NEU3: variants seen among roughly 807,000 people sequenced by gnomAD.
The protein encoded by NEU3 is sialidase-3.
Under a neutral mutation model 11.4 loss-of-function variants are expected in NEU3, and 10 were observed. That is an observed-to-expected ratio of 0.88 (90% CI 0.54 to 1.49). The LOEUF (loss-of-function observed/expected upper bound fraction) is 1.49, where lower values mean the gene tolerates loss of function less well. Ranked by LOEUF, NEU3 falls within the 40% of genes most tolerant of loss-of-function variation. NEU3 has a pLI of 0.00. For missense variants in NEU3, 529 were observed against 581.8 expected (o/e 0.91, Z 0.93); for synonymous variants, 212 against 228.2 (o/e 0.93, Z 0.64).
At chr11:75,004,203 C>T (rs1222338583) in intron 2 of NEU3, 2 of 574,586 alleles carry the variant, frequency 3.5e-6, no homozygotes, top group Non-Finnish European at 6.1e-6. Flanking sequence ...CCAGTTTCTT[C>T]ACATTTGCCA....
chr11:75,000,587 A>T (rs372747375), intron 2 of NEU3, among the ~76,000 whole-genome samples: 8 of 151,592 alleles, frequency 5.3e-5, no homozygotes, highest in Non-Finnish European at 1.5e-5. Flanking sequence ...GCTGAATAAT[A>T]TATCATTGTA....
In NEU3 at chr11:74,993,370, A is replaced by AT. The variant is rs562765468; in HGVS notation, c.95-1132dup. Among the ~76,000 whole-genome samples, 347 of 152,002 alleles carry AT rather than the reference A, an allele frequency of 2.3e-3. 3 individuals are homozygous for AT. The East Asian group carries it at 0.027, about 12-fold the overall frequency. ...AGGTGCCTGCCAGCACACCCGGCTAATTTTTTTGTATTTTTAGTAGAGATG... is the reference window on the plus strand; with the variant it reads ...AGGTGCCTGCCAGCACACCCGGCTAATTTTTTTTGTATTTTTAGTAGAGATG... On this transcript the variant is annotated intron_variant, in intron 1 of 2. Transcript: ENST00000294064.
chr11:74,994,983 C>G (rs149886288), intron 2 of NEU3: 1 of 623,972 alleles, frequency 1.6e-6, no homozygotes, highest in African/African-American at 1.8e-5. Flanking sequence ...GAGAGGTTGC[C>G]ATTTGCTCAA....
downstream of NEU3, among the ~76,000 whole-genome samples, chr11:75,019,429 G>A (rs180700963): frequency 4.6e-5 from 7 of 152,342 alleles, no homozygotes; most frequent in East Asian, 3.9e-4. Context: ...GGTGTCTTGC[G>A]TCCCAGCTGC....
intron 3 of NEU3, among the ~76,000 whole-genome samples, chr11:75,018,469 CG>C: frequency 6.6e-6 from 1 of 152,176 alleles, no homozygotes; most frequent in East Asian, 1.9e-4. Context: ...GGCAGAAAAA[CG>C]GGAAAAGACT....
chr11:74,984,155 C>G (rs180968520), upstream of NEU3, among the ~76,000 whole-genome samples: 76 of 152,262 alleles, frequency 5.0e-4, no homozygotes, highest in African/African-American at 1.7e-3. Flanking sequence ...AGGTGCATAT[C>G]GTTGGGAGAC....
downstream of NEU3, among the ~76,000 whole-genome samples, chr11:75,011,347 C>T (rs1028810463): frequency 6.6e-6 from 1 of 152,188 alleles, no homozygotes; most frequent in Non-Finnish European, 1.5e-5. Flanking sequence ...TTTTACTTGA[C>T]TTTGTTTGTT....
At chr11:74,994,833 C>T in intron 2 of NEU3, 113 bp downstream of exon 2, 1 of 1,019,572 alleles carries the variant, frequency 9.8e-7, no homozygotes, top group Non-Finnish European at 1.5e-6. Flanking sequence ...GTGTGGGGAG[C>T]AGAGGCAGAA....
chr11:74,982,808 G>C, the NEU3 span, among the ~76,000 whole-genome samples: 1 of 152,180 alleles, frequency 6.6e-6, no homozygotes, highest in Admixed American at 6.5e-5. Flanking sequence ...TTTGAAGGAA[G>C]AGGCAACACT....
chr11:75,002,024 A>G (rs570225899), intron 2 of NEU3, among the ~76,000 whole-genome samples: 18 of 152,310 alleles, frequency 1.2e-4, no homozygotes, highest in Non-Finnish European at 2.4e-4. Flanking sequence ...GGGAGTTAGC[A>G]CTAGATAACC....
intron 2 of NEU3, among the ~76,000 whole-genome samples, chr11:74,999,931 G>A (rs1318289830): frequency 6.6e-6 from 1 of 152,062 alleles, no homozygotes; most frequent in Non-Finnish European, 1.5e-5. Context: ...AACTTCTTAG[G>A]GCACAGTCCT....
intron 1 of NEU3, chr11:74,990,233 A>G: frequency 2.0e-6 from 1 of 489,938 alleles, no homozygotes; most frequent in East Asian, 3.2e-5. Flanking sequence ...CAAGCAAGGA[A>G]TCCAAGACCT....
chr11:75,012,393 CG>C (rs1329275313), downstream of NEU3, among the ~76,000 whole-genome samples: 1 of 152,138 alleles, frequency 6.6e-6, no homozygotes, highest in Non-Finnish European at 1.5e-5. Flanking sequence ...TAAAGGTACA[CG>C]GGGTCATCCG....
Position 75,006,339 on chromosome 11 carries a change from G to A in NEU3, c.1233G>A (p.Glu411=). 3 of 1,614,008 alleles carry A rather than the reference G, an allele frequency of 1.9e-6. No homozygotes were observed. Among genetic ancestry groups the A allele is most frequent in the Non-Finnish European group, 2.5e-6 (3 of 1,179,896 alleles). ...CGYSDLAALE[E]EGLFGCLFEC... ...ACTCTGATCTGGCTGCTCTGGAGGA[G>A]GAGGGCTTGTTTGGGTGTTTGTTTG... Residue 411 remains glutamate (E), a synonymous_variant, in exon 3 of 3, where the codon GAG becomes GAA. Transcript: ENST00000294064.
intron 1 of NEU3, among the ~76,000 whole-genome samples, chr11:74,991,308 A>G (rs569586558): frequency 4.3e-4 from 66 of 152,292 alleles, no homozygotes; most frequent in Non-Finnish European, 7.9e-4. Context: ...CTGGGATTGA[A>G]ATGAAGGGAG....
chr11:74,988,587 G>A (rs1948692680), upstream of NEU3: 1 of 168,432 alleles, frequency 5.9e-6, no homozygotes, highest in Admixed American at 6.3e-5. Context: ...CTTTTTGTAG[G>A]GTACCCTCTG....
Position 75,006,645 on chromosome 11 carries a change from CT to C in NEU3, c.*155del. On this transcript the variant is annotated 3_prime_UTR_variant, in exon 3 of 3. Transcript: ENST00000294064. ...CCAAAGAGCAAAATGAAAATTTTGCCTTAGCTACTGCAGTGGAAAGAGCACT... is the reference window on the plus strand; with the variant it reads ...CCAAAGAGCAAAATGAAAATTTTGCCTAGCTACTGCAGTGGAAAGAGCACT... The C allele has an allele frequency of 1.2e-6, 1 of 864,900 alleles. No homozygotes were observed. The highest frequency in any genetic ancestry group is 1.7e-6 in the Non-Finnish European group (1 of 583,236). 53.6% of individuals were successfully genotyped at this position (864,900 alleles called of 1,614,324 possible).
At chr11:75,003,949 C>G (rs963395075) in intron 2 of NEU3, among the ~76,000 whole-genome samples, 1 of 152,130 alleles carries the variant, frequency 6.6e-6, no homozygotes, top group East Asian at 1.9e-4. Context: ...GGTCTTCCCC[C>G]ATGTATTGCA....
intron 3 of NEU3, among the ~76,000 whole-genome samples, chr11:75,016,428 G>C (rs1442490014): frequency 6.6e-6 from 1 of 152,094 alleles, no homozygotes; most frequent in African/African-American, 2.4e-5. Context: ...TATGTGCCTG[G>C]TTTCAAAGCT....
Sources: allele counts gnomAD v4.1 joint callset (sites outside exome capture counted in the v4.1 genomes callset), GRCh38; gene constraint gnomAD v4.1.1; transcripts MANE v1.5; gene names NCBI Gene and HGNC (gene_info 2026-07-23, HGNC 2026-07-21).